The following JPH1 variants were observed in gnomAD, a reference collection of about 807,000 sequenced individuals.
JPH1 encodes junctophilin 1.
JPH1 carries 12 observed loss-of-function variants against 53.6 expected under a neutral mutation model. The observed-to-expected ratio is 0.22, with a 90% CI of 0.14 to 0.36. The LOEUF is 0.36. Ranked by LOEUF, JPH1 falls within the 10% of genes least tolerant of loss-of-function variation. JPH1 has a pLI of 1.00. For synonymous variants in JPH1, 375 were observed against 363.8 expected, an observed-to-expected ratio of 1.03 and a Z score of -0.35; for missense variants, 808 against 905.5, an observed-to-expected ratio of 0.89 and a Z score of 1.38.
rs1387118424 is a variant in JPH1, at chr8:74,235,732, A to C, written c.*1319T>G. The C allele has an allele frequency of 6.5e-6, 1 of 152,686 alleles. No individual in the cohort carries two copies. Among genetic ancestry groups the C allele is most frequent in the Non-Finnish European group, 1.5e-5 (1 of 68,044 alleles). 9.5% of individuals were successfully genotyped at this position (152,686 alleles called of 1,614,324 possible). The stretch of plus-strand genomic sequence containing the variant: ...AACAGCAAAAATCCAGAAATGTCAG[A>C]ATGACAAAAGACTGTAAAAGACACA... On this transcript the variant is annotated 3_prime_UTR_variant, in exon 6 of 6. Transcript: ENST00000342232.
At position 74,321,519 on chromosome 8, in the gene JPH1, G is replaced by A. The variant is rs1808328060; in HGVS notation, c.-232C>T. 1 of 446,084 alleles carries A rather than the reference G, an allele frequency of 2.2e-6. No individual in the cohort carries two copies. The highest frequency in any genetic ancestry group is 3.7e-5 in the East Asian group (1 of 26,728). 27.6% of individuals were successfully genotyped at this position (446,084 alleles called of 1,614,324 possible). A position where few individuals can be genotyped will look rare whatever the true frequency, so the allele number is the denominator to read the frequency against. On this transcript the variant is annotated 5_prime_UTR_variant, in exon 1 of 6. Transcript: ENST00000342232. This position sits in a 1 kb window ranked among gnomAD's most constrained non-coding sequence, Gnocchi z 4.3. The stretch of plus-strand genomic sequence containing the variant: ...TCCTCCTCCTTCGCCGCCGCCGCCT[G>A]GGCCAGCGCCGCGCGCGAGAGGACA...
chr8:74,244,765 G>A lies in JPH1; in HGVS notation c.1669C>T (p.Leu557=), dbSNP rs1805802043. ...HSQYHGYYVK[L]NAPQHPPVDV... ...ACTGGAGGGTGCTGGGGGGCGTTCA[G>A]CTTCACGTAGTAGCCGTGATACTGA... is the stretch of plus-strand genomic sequence containing the variant. The change falls in exon 4 of 6, where the codon CTG becomes TTG. Residue 557 remains leucine, a synonymous_variant. Transcript: ENST00000342232. The A allele has an allele frequency of 1.2e-6, 2 of 1,614,098 alleles. No homozygotes were observed. The highest frequency in any genetic ancestry group is 2.2e-5 in the South Asian group (2 of 91,094).
At position 74,318,467 on chromosome 8, in the gene JPH1, A is replaced by G. The variant is rs766533980; in HGVS notation, c.379+2442T>C. 6.5e-4 allele frequency among the ~76,000 whole-genome samples: 99 copies of G among 152,214 alleles called. 1 individual carries two copies. The highest frequency in any genetic ancestry group is 1.9e-3 in the Admixed American group (29 of 15,278). The stretch of plus-strand genomic sequence containing the variant: ...TTTTCAATAGTTTTATGACAAGTGA[A>G]AAAACAAAGTACAGATCAGAATTAG... On this transcript the variant is annotated intron_variant, in intron 1 of 5. Transcript: ENST00000342232.
rs753835977 is a variant in JPH1, at chr8:74,315,401, T to A, written c.599A>T (p.Asp200Val). ...CTTCTTCTTGCCCGCTAGCTCAGCGTCTGCGTGGAAGTTGAGCACGAAACC... is the reference window on the plus strand; with the variant it reads ...CTTCTTCTTGCCCGCTAGCTCAGCGACTGCGTGGAAGTTGAGCACGAAACC... ...RGGFVLNFHA[D>V]AELAGKKKGG... Residue 200 changes from aspartate (D) to valine (V), a missense_variant, in exon 2 of 6, where the codon GAC (aspartate) becomes GTC (valine). By Grantham distance (152) the Asp-to-Val change is radical. Coordinates refer to ENST00000342232, the MANE Select transcript of JPH1 (RefSeq NM_020647.4). The surrounding 1 kb of genome is among the most constrained non-coding windows in gnomAD (Gnocchi z 6.3). 1.2e-6 allele frequency: 2 copies of A among 1,612,386 alleles called. No homozygotes were observed. The highest frequency in any genetic ancestry group is 1.3e-5 in the African/African-American group (1 of 74,898).
At chr8:74,266,977 G>A (rs975628776) in intron 2 of JPH1, among the ~76,000 whole-genome samples, 6 of 152,176 alleles carry the variant, frequency 3.9e-5, no homozygotes, top group Non-Finnish European at 7.4e-5. Flanking sequence ...GCCTGGCATG[G>A]AGGCTGTCTT....
chr8:74,244,794 T>TGCA lies in JPH1; in HGVS notation c.1637_1639dup (p.Leu546dup). On this transcript the variant is annotated inframe_insertion, in exon 4 of 6. Coordinates refer to ENST00000342232, the MANE Select transcript of JPH1 (RefSeq NM_020647.4). ...CACGTAGTAGCCGTGATACTGAGAA[T>TGCA]GCAGCTCCCCGTTACTGGGGTTGGG... The TGCA allele has an allele frequency of 6.2e-7, 1 of 1,614,184 alleles. No individual in the cohort carries two copies. Among genetic ancestry groups the TGCA allele is most frequent in the African/African-American group, 1.3e-5 (1 of 75,052 alleles).
chr8:74,283,669 T>C (rs1425531383), intron 2 of JPH1, among the ~76,000 whole-genome samples: 2 of 152,208 alleles, frequency 1.3e-5, no homozygotes, highest in Non-Finnish European at 2.9e-5. Flanking sequence ...TGGCATAATA[T>C]ACAATCATCA....
In JPH1 at chr8:74,320,789, C is replaced by G. The variant is rs1563427318; in HGVS notation, c.379+120G>C. The G allele has an allele frequency of 4.1e-6, 5 of 1,225,280 alleles. No homozygotes were observed. In the South Asian group the frequency reaches 9.0e-5, roughly 22 times the overall value. 75.9% of individuals were successfully genotyped at this position (1,225,280 alleles called of 1,614,324 possible). A position where few individuals can be genotyped will look rare whatever the true frequency, so the allele number is the denominator to read the frequency against. Reference sequence around the variant, plus strand: ...CGGGCGCGGGGGTGGGAGGCGCCCCCAGGTGTTTTGGCGGGTTTCCGGACA... The same window carrying G: ...CGGGCGCGGGGGTGGGAGGCGCCCCGAGGTGTTTTGGCGGGTTTCCGGACA... On this transcript the variant is annotated intron_variant, in intron 1 of 5. Coordinates refer to ENST00000342232, the MANE Select transcript of JPH1 (RefSeq NM_020647.4). The surrounding 1 kb of genome is among the most constrained non-coding windows in gnomAD (Gnocchi z 4.4).
At position 74,315,135 on chromosome 8, in the gene JPH1, T is replaced by G. The variant is rs1466504640; in HGVS notation, c.865A>C (p.Lys289Gln). 1.2e-5 allele frequency: 19 copies of G among 1,614,126 alleles called. No individual in the cohort carries two copies. Among genetic ancestry groups the G allele is most frequent in the Admixed American group, 1.7e-5 (1 of 60,014 alleles). ...TCGCTAACGCCGAAGCCGTTGCGCT[T>G]GTCGTTCTTCCACTCGCCCATGTAG... ...ETYMGEWKND[K>Q]RNGFGVSERS... The change falls in exon 2 of 6, where the codon AAG becomes CAG. Residue 289 changes from lysine to glutamine, a missense_variant. By Grantham distance (53) the Lys-to-Gln change is moderately conservative. Transcript: ENST00000342232. The surrounding 1 kb of genome is among the most constrained non-coding windows in gnomAD (Gnocchi z 6.3).
Position 74,315,082 on chromosome 8 carries a change from C to G in JPH1, c.918G>C (p.Gly306=). 1 of 1,614,206 alleles carries G rather than the reference C, an allele frequency of 6.2e-7. No homozygotes were observed. Among genetic ancestry groups the G allele is most frequent in the African/African-American group, 1.3e-5 (1 of 75,046 alleles). ...SERSNGMKYE[G]EWANNKRHGY... ...CATGCCTCTTGTTATTTGCCCACTC[C>G]CCTTCATACTTCATGCCATTGGAGC... Residue 306 remains glycine, a synonymous_variant, in exon 2 of 6, where the codon GGG becomes GGC. Coordinates refer to ENST00000342232, the MANE Select transcript of JPH1 (RefSeq NM_020647.4). This position sits in a 1 kb window ranked among gnomAD's most constrained non-coding sequence, Gnocchi z 6.3.
intron 3 of JPH1, among the ~76,000 whole-genome samples, chr8:74,249,249 G>A (rs372943106): frequency 6.6e-6 from 1 of 152,150 alleles, no homozygotes. Context: ...TGAGGGCAGT[G>A]CCAATATCAA....
Position 74,235,434 on chromosome 8 carries a change from A to G in JPH1, c.*1617T>C, listed in dbSNP as rs1315970733. The G allele has an allele frequency of 6.6e-6, 1 of 152,548 alleles. No individual in the cohort carries two copies. The highest frequency in any genetic ancestry group is 1.5e-5 in the Non-Finnish European group (1 of 68,032). 9.4% of individuals were successfully genotyped at this position (152,548 alleles called of 1,614,324 possible). A position where few individuals can be genotyped will look rare whatever the true frequency, so the allele number is the denominator to read the frequency against. ...GCAGGTGACAAAGCACTCAGTCCACATCTGTGCTAACCAGGGAATTGTGTG... is the reference window on the plus strand; with the variant it reads ...GCAGGTGACAAAGCACTCAGTCCACGTCTGTGCTAACCAGGGAATTGTGTG... On this transcript the variant is annotated 3_prime_UTR_variant, in exon 6 of 6. Transcript: ENST00000342232.
At chr8:74,254,890 A>G (rs1222997081) in intron 3 of JPH1, among the ~76,000 whole-genome samples, 1 of 152,192 alleles carries the variant, frequency 6.6e-6, no homozygotes, top group Non-Finnish European at 1.5e-5. Context: ...CAATGAAATA[A>G]AAGAGGACAC....
At chr8:74,238,137 T>C (rs865878723) in intron 4 of JPH1, among the ~76,000 whole-genome samples, 8 of 152,326 alleles carry the variant, frequency 5.3e-5, no homozygotes, top group Admixed American at 2.0e-4. Flanking sequence ...AATTCTTATA[T>C]AGCATTAAAA....
chr8:74,288,612 G>A (rs1009080401), intron 2 of JPH1, among the ~76,000 whole-genome samples: 12 of 152,108 alleles, frequency 7.9e-5, no homozygotes, highest in African/African-American at 2.9e-4. Flanking sequence ...GGATAGTTAA[G>A]GAGCACAGGA....
intron 2 of JPH1, among the ~76,000 whole-genome samples, chr8:74,265,593 GA>G (rs1249527428): frequency 1.3e-5 from 2 of 152,110 alleles, no homozygotes; most frequent in Non-Finnish European, 2.9e-5. Flanking sequence ...AATTTTTGGA[GA>G]AAGGTCCTTT....
chr8:74,241,923 G>A (rs534612161), intron 4 of JPH1, among the ~76,000 whole-genome samples: 22 of 152,248 alleles, frequency 1.4e-4, no homozygotes, highest in African/African-American at 4.3e-4. Context: ...ATGGTAAGAC[G>A]CTAAAGATGC....
intron 2 of JPH1, among the ~76,000 whole-genome samples, chr8:74,285,327 T>C (rs1807131342): frequency 6.6e-6 from 1 of 152,060 alleles, no homozygotes; most frequent in African/African-American, 2.4e-5. Flanking sequence ...AAATACTACA[T>C]ATAAATACTA....
chr8:74,249,801 A>G (rs1284928068), intron 3 of JPH1, among the ~76,000 whole-genome samples: 1 of 152,206 alleles, frequency 6.6e-6, no homozygotes, highest in Non-Finnish European at 1.5e-5. Flanking sequence ...TGATTTCTGA[A>G]GTCTTCTAAT....
Sources: gnomAD v4.1 joint callset for allele counts (sites outside exome capture counted in the v4.1 genomes callset) on GRCh38, gnomAD v4.1.1 for gene constraint, Gnocchi (gnomAD v3.1) non-coding constraint, MANE v1.5 for transcripts, NCBI Gene and HGNC (gene_info 2026-07-23, HGNC 2026-07-21) for gene names.